The following MCF2 variants were observed in gnomAD, a reference collection of about 807,000 sequenced individuals.
MCF2 encodes proto-oncogene DBL.
MCF2 carries 44 observed loss-of-function variants against 82.5 expected under a neutral mutation model. The ratio of observed to expected loss-of-function variants is 0.53; its 90% CI spans 0.42 to 0.69. The LOEUF is 0.69. MCF2 is among the 30% of genes least tolerant of loss of function. MCF2 has a pLI of 0.00. For missense variants in MCF2, 623 were observed against 663.1 expected (o/e 0.94, Z 0.66); for synonymous variants, 217 against 224.9 (o/e 0.96, Z 0.32).
chrX:139,693,592 C>G (rs1427167821), intron 1 of MCF2, among the ~76,000 whole-genome samples: 2 of 110,774 alleles, frequency 1.8e-5, no homozygotes, highest in African/African-American at 6.6e-5. Context: ...ATATTTTTAT[C>G]TGAATGTGTA....
chrX:139,619,543 T>G (rs1225909298), intron 7 of MCF2, 44 bp downstream of exon 10: 2 of 1,015,080 alleles, frequency 2.0e-6, no homozygotes, highest in Non-Finnish European at 2.7e-6. Context: ...AAAACATGAC[T>G]ATTATACTGT....
At chrX:139,672,633 G>C (rs983674527) in intron 1 of MCF2, among the ~76,000 whole-genome samples, 1 of 112,230 alleles carries the variant, frequency 8.9e-6, no homozygotes, top group Non-Finnish European at 1.9e-5. Context: ...ATTTGCATAT[G>C]TTGAACCAGT....
At chrX:139,641,141 G>C (rs759754161) in intron 1 of MCF2, among the ~76,000 whole-genome samples, 21 of 106,574 alleles carry the variant, frequency 2.0e-4, no homozygotes, top group South Asian at 1.2e-3. Flanking sequence ...CATGTGTATA[G>C]ACATAAAACT....
At chrX:139,651,490 G>A (rs758565840) in intron 2 of MCF2, among the ~76,000 whole-genome samples, 12 of 111,092 alleles carry the variant, frequency 1.1e-4, no homozygotes, top group Admixed American at 3.8e-4. Flanking sequence ...TGGTAAGGTC[G>A]GTTTTACTCA....
At chrX:139,664,638 G>A (rs988502874) in intron 1 of MCF2, among the ~76,000 whole-genome samples, 1 of 112,574 alleles carries the variant, frequency 8.9e-6, no homozygotes, top group African/African-American at 3.2e-5. Flanking sequence ...ATCAGGGACC[G>A]CATGAGCCCT....
intron 1 of MCF2, among the ~76,000 whole-genome samples, chrX:139,636,084 T>C (rs1439130328): frequency 8.9e-6 from 1 of 111,857 alleles, no homozygotes; most frequent in Admixed American, 9.5e-5. Flanking sequence ...AAGATAGTTT[T>C]AAAATTTTGC....
exon 8 of MCF2, chrX:139,617,659 G>A (rs1603287807): frequency 1.7e-6 from 2 of 1,197,998 alleles, no homozygotes; most frequent in East Asian, 6.0e-5. Context: ...TTTGCTGCAA[G>A]CTTGTGTCCA....
chrX:139,656,327 G>C (rs767299519), intron 1 of MCF2, among the ~76,000 whole-genome samples: 43 of 112,155 alleles, frequency 3.8e-4, no homozygotes, highest in Non-Finnish European at 7.3e-4. Context: ...CTCCCAAAGT[G>C]CTGGGATTAC....
chrX:139,637,249 C>G (rs960571769), intron 1 of MCF2, among the ~76,000 whole-genome samples: 6 of 112,053 alleles, frequency 5.4e-5, no homozygotes, highest in Non-Finnish European at 1.1e-4. Flanking sequence ...TACACAACTA[C>G]TAAGCAATCA....
At chrX:139,683,505 C>T (rs760988466) in intron 1 of MCF2, among the ~76,000 whole-genome samples, 14 of 111,686 alleles carry the variant, frequency 1.3e-4, no homozygotes, top group South Asian at 3.7e-4. Flanking sequence ...CATATGGATA[C>T]GCAAGGGACC....
At chrX:139,613,378 C>T (rs1931646261) in intron 10 of MCF2, 115 bp from the exon 14 acceptor site, 4 of 535,172 alleles carry the variant, frequency 7.5e-6, no homozygotes, top group Non-Finnish European at 1.2e-5. Flanking sequence ...TAACAGTCTC[C>T]TCAAAACTCC....
intron 16 of MCF2, among the ~76,000 whole-genome samples, chrX:139,601,675 T>C: frequency 9.0e-6 from 1 of 111,363 alleles, no homozygotes; most frequent in East Asian, 2.8e-4. Flanking sequence ...GGAGAGCCTA[T>C]GCAATAGACA....
At chrX:139,673,200 C>T (rs1000372771) in intron 1 of MCF2, among the ~76,000 whole-genome samples, 3 of 111,574 alleles carry the variant, frequency 2.7e-5, no homozygotes, top group African/African-American at 9.8e-5. Flanking sequence ...TTTGATTCTT[C>T]TCTCTTTTCT....
intron 1 of MCF2, among the ~76,000 whole-genome samples, chrX:139,663,157 C>A (rs770979109): frequency 9.0e-6 from 1 of 111,368 alleles, no homozygotes; most frequent in Non-Finnish European, 1.9e-5. Flanking sequence ...TGGGTAGATA[C>A]CCAGTAGCAG....
chrX:139,639,919 A>G (rs926742514), intron 1 of MCF2, among the ~76,000 whole-genome samples: 3 of 102,892 alleles, frequency 2.9e-5, no homozygotes, highest in Non-Finnish European at 6.1e-5. Context: ...ACTAAAAGCC[A>G]TTATGTATGT....
intron 19 of MCF2, among the ~76,000 whole-genome samples, chrX:139,594,526 T>C (rs1303661228): frequency 1.8e-5 from 2 of 110,612 alleles, no homozygotes; most frequent in African/African-American, 6.6e-5. Flanking sequence ...TAGCCATATG[T>C]AGAAAGCTGA....
intron 1 of MCF2, among the ~76,000 whole-genome samples, chrX:139,667,494 C>CTGAGGTGGTAGTAGCCAGGAGT (rs1275179417): frequency 9.0e-6 from 1 of 111,677 alleles, no homozygotes; most frequent in East Asian, 2.8e-4. Context: ...TAGGTGTCAG[C>CTGAGGTGGTAGTAGCCAGGAGT]TGAGGTGGTA....
intron 1 of MCF2, among the ~76,000 whole-genome samples, chrX:139,704,192 A>T (rs934060411): frequency 2.7e-5 from 3 of 112,249 alleles, no homozygotes; most frequent in African/African-American, 9.7e-5. Context: ...CCAGAACAAG[A>T]TAAGGATGCC....
At chrX:139,619,682 A>T (rs1932189110) in exon 7 of MCF2, 1 of 1,175,649 alleles carries the variant, frequency 8.5e-7, no homozygotes, top group African/African-American at 1.8e-5. Flanking sequence ...TGTTGGTTTA[A>T]TAGAAATTCA....
Sources: allele counts gnomAD v4.1 joint callset (sites outside exome capture counted in the v4.1 genomes callset), GRCh38; gene constraint gnomAD v4.1.1; transcripts MANE v1.5; gene names NCBI Gene and HGNC (gene_info 2026-07-23, HGNC 2026-07-21).